Variants in RERE observed in about 807,000 individuals in gnomAD.
The protein encoded by RERE is arginine-glutamic acid dipeptide repeats.
A neutral mutation model predicts 146.1 loss-of-function variants in RERE; 40 were observed. The observed-to-expected ratio is 0.27, with a 90% CI of 0.21 to 0.36. RERE has a LOEUF of 0.36. RERE is among the 10% of genes least tolerant of loss of function. RERE has a pLI of 1.00. For synonymous variants in RERE, 1,003 were observed against 866.0 expected (o/e 1.16, Z -2.78); for missense variants, 1,933 against 2,138.7 (o/e 0.90, Z 1.90).
At position 8,456,423 on chromosome 1, in the gene RERE, T is replaced by C. The variant is rs80326932; in HGVS notation, c.1203+9502A>G. On this transcript the variant is annotated intron_variant, in intron 11 of 22. Coordinates refer to ENST00000400908, the MANE Select transcript of RERE (RefSeq NM_001042681.2). ...CTGAATTTATAGTAAACTTATGTAG[T>C]AAATATTGTCTAAACCAGTTACAAA... Among the ~76,000 whole-genome samples, 245 of 152,290 alleles carry C rather than the reference T, an allele frequency of 1.6e-3. 1 individual carries two copies. Among genetic ancestry groups the C allele is most frequent in the African/African-American group, 5.4e-3 (224 of 41,552 alleles).
chr1:8,547,672 G>C (rs1645880960), intron 6 of RERE, among the ~76,000 whole-genome samples: 1 of 152,022 alleles, frequency 6.6e-6, no homozygotes, highest in Non-Finnish European at 1.5e-5. Flanking sequence ...TAAAAACATG[G>C]AGATAACACT....
At chr1:8,447,402 T>C (rs1557636846) in intron 11 of RERE, among the ~76,000 whole-genome samples, 2 of 152,190 alleles carry the variant, frequency 1.3e-5, no homozygotes, top group East Asian at 1.9e-4. Flanking sequence ...TTCAGACTTT[T>C]TGCCTTGTTT....
At chr1:8,533,127 C>A (rs941961048) in intron 7 of RERE, among the ~76,000 whole-genome samples, 2 of 152,192 alleles carry the variant, frequency 1.3e-5, no homozygotes, top group African/African-American at 4.8e-5. Context: ...GCAGTTTTTA[C>A]CTATTTCCTC....
intron 2 of RERE, among the ~76,000 whole-genome samples, chr1:8,626,251 A>C (rs750469237): frequency 2.0e-5 from 3 of 152,172 alleles, no homozygotes; most frequent in Non-Finnish European, 4.4e-5. Context: ...AACAACCCAA[A>C]GTTCTTAGTT....
At chr1:8,731,101 CT>C (rs1640070223) in intron 1 of RERE, among the ~76,000 whole-genome samples, 1 of 152,130 alleles carries the variant, frequency 6.6e-6, no homozygotes, top group South Asian at 2.1e-4. Flanking sequence ...GAAGCAAAAG[CT>C]ACATGAACCA....
At chr1:8,717,479 A>C (rs1423406820) in intron 1 of RERE, among the ~76,000 whole-genome samples, 1 of 152,238 alleles carries the variant, frequency 6.6e-6, no homozygotes, top group Non-Finnish European at 1.5e-5. Flanking sequence ...GTTTCTCATG[A>C]AACAAAATTT....
At chr1:8,697,235 C>T (rs1639351244) in intron 1 of RERE, among the ~76,000 whole-genome samples, 2 of 152,062 alleles carry the variant, frequency 1.3e-5, no homozygotes, top group Non-Finnish European at 1.5e-5. Context: ...ATTTTCCTAC[C>T]ACTCAAAAAA....
chr1:8,533,998 G>A (rs994410634), intron 7 of RERE, among the ~76,000 whole-genome samples: 3 of 152,142 alleles, frequency 2.0e-5, no homozygotes, highest in African/African-American at 7.2e-5. Flanking sequence ...TTCCATCTCA[G>A]GTAAATGTTT....
chr1:8,363,430 G>T (rs181964000), intron 15 of RERE, among the ~76,000 whole-genome samples: 2 of 152,188 alleles, frequency 1.3e-5, no homozygotes, highest in Non-Finnish European at 2.9e-5. Flanking sequence ...GTGAGCGGGG[G>T]CCGGGCTGCC....
chr1:8,664,595 A>C (rs1638529729), intron 1 of RERE, among the ~76,000 whole-genome samples: 1 of 152,004 alleles, frequency 6.6e-6, no homozygotes, highest in East Asian at 1.9e-4. Flanking sequence ...AATTTTTAAA[A>C]TTTTTTGTAG....
At position 8,356,039 on chromosome 1, in the gene RERE, G is replaced by C. The variant is rs1641277061; in HGVS notation, c.4486+61C>G. On this transcript the variant is annotated intron_variant, in intron 21 of 22. Transcript: ENST00000400908. This position sits in a 1 kb window ranked among gnomAD's most constrained non-coding sequence, Gnocchi z 5.2. ...GAATGAGTAATGAATGAAGACAGCA[G>C]ACCAGACCCCAACCCAACCCTCACA... 4.9e-6 allele frequency: 7 copies of C among 1,441,356 alleles called. No homozygotes were observed. In the South Asian group the frequency reaches 9.1e-5, roughly 19 times the overall value. The allele number at this position is 1,441,356 out of a possible 1,614,324, so 89.3% of individuals were successfully genotyped here. A position where few individuals can be genotyped will look rare whatever the true frequency, so the allele number is the denominator to read the frequency against.
intron 2 of RERE, among the ~76,000 whole-genome samples, chr1:8,633,129 T>C (rs747054523): frequency 6.6e-6 from 1 of 152,152 alleles, no homozygotes; most frequent in Non-Finnish European, 1.5e-5. Flanking sequence ...TTAAGAGAAA[T>C]TTACTTATGG....
At chr1:8,532,205 CGTTT>C (rs1334795720) in intron 7 of RERE, among the ~76,000 whole-genome samples, 1 of 152,106 alleles carries the variant, frequency 6.6e-6, no homozygotes, top group African/African-American at 2.4e-5. Context: ...TGCTAGACTC[CGTTT>C]GTTAACATTT....
intron 1 of RERE, among the ~76,000 whole-genome samples, chr1:8,743,426 ATTTTT>A (rs35763675): frequency 8.1e-6 from 1 of 122,970 alleles, no homozygotes; most frequent in Non-Finnish European, 1.7e-5. Context: ...CTACAGGCTA[ATTTTT>A]TTTTTTTTTT....
chr1:8,625,874 G>A (rs1646967834), intron 2 of RERE, among the ~76,000 whole-genome samples: 1 of 152,076 alleles, frequency 6.6e-6, no homozygotes, highest in African/African-American at 2.4e-5. Context: ...TACCCAAAAG[G>A]CACTCTAGAA....
At chr1:8,501,165 T>G (rs188381503) in intron 8 of RERE, among the ~76,000 whole-genome samples, 100 of 117,524 alleles carry the variant, frequency 8.5e-4, no homozygotes, top group African/African-American at 2.0e-3. Context: ...GGAGGGGGGG[T>G]CAGCCCCCTG....
At chr1:8,396,399 AC>A (rs1428363428) in intron 12 of RERE, among the ~76,000 whole-genome samples, 2 of 152,166 alleles carry the variant, frequency 1.3e-5, no homozygotes, top group Non-Finnish European at 2.9e-5. Context: ...CCCAGTTATC[AC>A]AGAGCCGAGA....
At chr1:8,677,340 T>G (rs1267802786) in intron 1 of RERE, among the ~76,000 whole-genome samples, 2 of 146,414 alleles carry the variant, frequency 1.4e-5, no homozygotes, top group Admixed American at 1.4e-4. Flanking sequence ...GAGGCAGAAC[T>G]GCTTAAACCC....
intron 2 of RERE, among the ~76,000 whole-genome samples, chr1:8,641,047 G>A (rs1026643559): frequency 4.6e-5 from 7 of 152,136 alleles, no homozygotes; most frequent in African/African-American, 1.7e-4. Context: ...TTCATAGACA[G>A]TATTTTTAAT....
Sources: allele counts gnomAD v4.1 joint callset (sites outside exome capture counted in the v4.1 genomes callset), GRCh38; gene constraint gnomAD v4.1.1; non-coding constraint Gnocchi (gnomAD v3.1); transcripts MANE v1.5; gene names NCBI Gene and HGNC (gene_info 2026-07-23, HGNC 2026-07-21).